Variants in RPS6KA3 observed in about 807,000 individuals in gnomAD.
RPS6KA3 encodes the protein ribosomal protein S6 kinase alpha-3.
In RPS6KA3, 4 loss-of-function variants were observed where a neutral mutation model predicts 67.2. That is an observed-to-expected ratio of 0.06 (90% CI 0.03 to 0.14). The LOEUF (loss-of-function observed/expected upper bound fraction) is 0.14. Ranked by LOEUF, RPS6KA3 falls within the 10% of genes least tolerant of loss-of-function variation. The pLI is 1.00. For synonymous variants in RPS6KA3, 182 were observed against 183.7 expected (o/e 0.99, Z 0.07); for missense variants, 204 against 559.0 (o/e 0.36, Z 6.40).
intron 1 of RPS6KA3, among the ~76,000 whole-genome samples, chrX:20,249,210 T>C (rs1431399718): frequency 8.9e-6 from 1 of 112,175 alleles, no homozygotes; most frequent in Admixed American, 9.4e-5. Flanking sequence ...TATTTGACCA[T>C]TTACCCATTC....
intron 3 of RPS6KA3, among the ~76,000 whole-genome samples, chrX:20,208,823 A>G (rs901641774): frequency 1.5e-4 from 17 of 111,776 alleles, no homozygotes; most frequent in African/African-American, 5.5e-4. Flanking sequence ...TTTTAAAGAC[A>G]AGCCAGGAGT....
At chrX:20,220,941 T>C (rs1395739221) in intron 2 of RPS6KA3, among the ~76,000 whole-genome samples, 1 of 111,876 alleles carries the variant, frequency 8.9e-6, no homozygotes, top group Non-Finnish European at 1.9e-5. Context: ...GATTTGATTA[T>C]AAAATTTTAA....
intron 20 of RPS6KA3, among the ~76,000 whole-genome samples, chrX:20,158,365 C>CAA (rs1209085517): frequency 0.011 from 319 of 27,909 alleles, 5 homozygotes; most frequent in East Asian, 0.014. Flanking sequence ...GACTCTATCT[C>CAA]AAAAAAAAAA....
chrX:20,238,978 T>C (rs944847532), intron 1 of RPS6KA3, among the ~76,000 whole-genome samples: 5 of 111,715 alleles, frequency 4.5e-5, no homozygotes, highest in Non-Finnish European at 7.6e-5. Flanking sequence ...TTTTACTTTC[T>C]ATTGTTTCCT....
At chrX:20,258,841 T>C (rs955477014) in intron 1 of RPS6KA3, among the ~76,000 whole-genome samples, 1 of 112,050 alleles carries the variant, frequency 8.9e-6, no homozygotes, top group African/African-American at 3.2e-5. Context: ...AGCACTACTT[T>C]ATGAGAACAA....
chrX:20,209,622 A>G (rs758723406), intron 2 of RPS6KA3, among the ~76,000 whole-genome samples: 1 of 111,321 alleles, frequency 9.0e-6, no homozygotes, highest in South Asian at 3.7e-4. Context: ...TAAATGTCAG[A>G]GACAGTTATT....
chrX:20,176,386 T>C lies in RPS6KA3; in HGVS notation c.1000-34A>G, dbSNP rs1014547623. ...GAAAAAAAAAAGAGACTTAGACATA[T>C]TTTAATTATAAAGAAATATTTCAAG... On this transcript the variant is annotated intron_variant, in intron 12 of 21. Transcript: ENST00000379565. 4.5e-6 allele frequency: 5 copies of C among 1,121,392 alleles called. No homozygotes were observed. In the African/African-American group the frequency reaches 9.1e-5, roughly 20 times the overall value. The allele number at this position is 1,121,392 out of a possible 1,213,427, so 92.4% of individuals were successfully genotyped here.
intron 2 of RPS6KA3, among the ~76,000 whole-genome samples, chrX:20,216,442 A>G (rs1040642226): frequency 3.6e-5 from 4 of 111,353 alleles, no homozygotes; most frequent in Non-Finnish European, 7.5e-5. Context: ...GGGATATACA[A>G]TAAGTCAAAT....
intron 1 of RPS6KA3, among the ~76,000 whole-genome samples, chrX:20,262,639 T>C (rs1963049566): frequency 8.9e-6 from 1 of 111,734 alleles, no homozygotes; most frequent in African/African-American, 3.3e-5. Flanking sequence ...CTGAAAACAA[T>C]GAAGTGTTCA....
At chrX:20,157,315 A>G (rs1395269413) in intron 20 of RPS6KA3, among the ~76,000 whole-genome samples, 4 of 101,847 alleles carry the variant, frequency 3.9e-5, no homozygotes, top group Non-Finnish European at 7.9e-5. Context: ...AAGTCTAGGC[A>G]ACATTGTGAG....
chrX:20,237,930 C>A (rs2069458010), intron 1 of RPS6KA3, among the ~76,000 whole-genome samples: 1 of 111,302 alleles, frequency 9.0e-6, no homozygotes, highest in South Asian at 3.7e-4. Flanking sequence ...GAAAGTACTG[C>A]CTGCTACATG....
intron 1 of RPS6KA3, among the ~76,000 whole-genome samples, chrX:20,259,759 T>A (rs185693985): frequency 9.0e-6 from 1 of 111,701 alleles, no homozygotes; most frequent in African/African-American, 3.2e-5. Flanking sequence ...GTATACAACA[T>A]CTTAAAAGTT....
At chrX:20,175,846 G>A (rs1448765832) in intron 13 of RPS6KA3, among the ~76,000 whole-genome samples, 2 of 111,510 alleles carry the variant, frequency 1.8e-5, no homozygotes, top group Non-Finnish European at 3.8e-5. Context: ...TGTGAAGATA[G>A]CTTAGAGAGT....
intron 4 of RPS6KA3, chrX:20,203,724 A>C: frequency 4.5e-6 from 1 of 223,217 alleles, no homozygotes; most frequent in Non-Finnish European, 8.0e-6. Context: ...AAAACATTAA[A>C]ATAAATATAT....
chrX:20,194,353 CAA>C, intron 5 of RPS6KA3, 85 bp from the exon 6 acceptor site: 1 of 549,193 alleles, frequency 1.8e-6, no homozygotes, highest in African/African-American at 2.3e-5. Context: ...AATATTTTAA[CAA>C]ATTAATTATA....
At chrX:20,195,907 G>A (rs1212392088) in intron 4 of RPS6KA3, among the ~76,000 whole-genome samples, 1 of 112,061 alleles carries the variant, frequency 8.9e-6, no homozygotes, top group African/African-American at 3.2e-5. Context: ...CTAGAGCCTG[G>A]TATGTATGAG....
chrX:20,203,707 G>A (rs767308130), intron 4 of RPS6KA3: 3 of 189,129 alleles, frequency 1.6e-5, no homozygotes, highest in Non-Finnish European at 2.9e-5. Context: ...AAATCAGTAC[G>A]TTTTTAAAAA....
chrX:20,234,353 T>C (rs1052445451), intron 2 of RPS6KA3, among the ~76,000 whole-genome samples: 29 of 111,028 alleles, frequency 2.6e-4, no homozygotes, highest in African/African-American at 9.5e-4. Flanking sequence ...TGAGCGCCTG[T>C]AATCCCAGCT....
At chrX:20,246,221 T>C (rs2069687102) in intron 1 of RPS6KA3, among the ~76,000 whole-genome samples, 1 of 110,230 alleles carries the variant, frequency 9.1e-6, no homozygotes, top group Admixed American at 9.7e-5. Context: ...TTCTTTATTA[T>C]AGGTGTGACT....
Sources: allele counts gnomAD v4.1 joint callset (sites outside exome capture counted in the v4.1 genomes callset), GRCh38; gene constraint gnomAD v4.1.1; transcripts MANE v1.5; gene names NCBI Gene and HGNC (gene_info 2026-07-23, HGNC 2026-07-21).